Variants in KALRN observed in about 807,000 individuals in gnomAD.
KALRN encodes kalirin RhoGEF kinase, also known as kalirin.
KALRN carries 70 observed loss-of-function variants against 353.7 expected under a neutral mutation model. The observed-to-expected ratio is 0.20, with a 90% CI of 0.16 to 0.24. The LOEUF (loss-of-function observed/expected upper bound fraction) is 0.24, where lower values mean the gene tolerates loss of function less well. Ranked by LOEUF, KALRN falls within the 10% of genes least tolerant of loss-of-function variation. The probability of loss-of-function intolerance (pLI) is 1.00; values close to 1 mark genes in which losing one functional copy is unlikely to be tolerated. For synonymous variants in KALRN, 1,391 were observed against 1,434.8 expected (o/e 0.97, Z 0.69); for missense variants, 2,791 against 3,756.7 (o/e 0.74, Z 6.72).
chr3:124,678,113 C>G, intron 49 of KALRN, 77 bp from the exon 50 acceptor site: 1 of 1,531,796 alleles, frequency 6.5e-7, no homozygotes, highest in Non-Finnish European at 9.0e-7. Flanking sequence ...GCTGACTCAC[C>G]CAAGGGTGGT....
intron 33 of KALRN, among the ~76,000 whole-genome samples, chr3:124,552,237 A>G (rs1288334142): frequency 6.6e-6 from 1 of 152,182 alleles, no homozygotes; most frequent in Non-Finnish European, 1.5e-5. Context: ...TCTTCTGAAC[A>G]CGAATCTGTA....
intron 15 of KALRN, among the ~76,000 whole-genome samples, chr3:124,427,785 T>C (rs2093089991): frequency 6.6e-6 from 1 of 152,210 alleles, no homozygotes; most frequent in African/African-American, 2.4e-5. Context: ...GGGGCACTCT[T>C]TGAGTTTTGA....
intron 1 of KALRN, among the ~76,000 whole-genome samples, chr3:124,068,944 A>G (rs2042603502): frequency 6.6e-6 from 1 of 152,196 alleles, no homozygotes; most frequent in Non-Finnish European, 1.5e-5. Context: ...CAGTGCCTGC[A>G]TTGAGACTGA....
At chr3:124,543,815 CAG>C (rs1251807533) in intron 33 of KALRN, among the ~76,000 whole-genome samples, 6 of 151,774 alleles carry the variant, frequency 4.0e-5, no homozygotes, top group African/African-American at 1.5e-4. Context: ...AAGGGTAAAA[CAG>C]GGAGAGAACA....
intron 1 of KALRN, among the ~76,000 whole-genome samples, chr3:124,162,054 GC>G (rs1331891877): frequency 4.6e-5 from 7 of 152,158 alleles, no homozygotes; most frequent in Non-Finnish European, 1.0e-4. Context: ...TGCCCATGGT[GC>G]CAGATGATTT....
At chr3:124,257,192 A>T (rs1019059299) in intron 3 of KALRN, among the ~76,000 whole-genome samples, 2 of 152,232 alleles carry the variant, frequency 1.3e-5, no homozygotes, top group African/African-American at 4.8e-5. Context: ...GTTACCTACT[A>T]TTTATTAAAT....
intron 5 of KALRN, among the ~76,000 whole-genome samples, chr3:124,295,945 T>C (rs1430630274): frequency 2.0e-5 from 3 of 152,212 alleles, no homozygotes; most frequent in Non-Finnish European, 2.9e-5. Flanking sequence ...CCCAGGATAG[T>C]GCACACAGCA....
chr3:124,650,509 G>A (rs183645952), intron 37 of KALRN, among the ~76,000 whole-genome samples: 51 of 152,278 alleles, frequency 3.3e-4, no homozygotes, highest in African/African-American at 5.5e-4. Flanking sequence ...AATTGCGATC[G>A]TTAGCATTAC....
chr3:124,594,503 T>C (rs1464890780), intron 34 of KALRN, among the ~76,000 whole-genome samples: 1 of 152,182 alleles, frequency 6.6e-6, no homozygotes, highest in East Asian at 1.9e-4. Flanking sequence ...GGATTACAGG[T>C]GTGAGCCACC....
chr3:124,187,033 A>G (rs1374498563), intron 1 of KALRN, among the ~76,000 whole-genome samples: 1 of 152,154 alleles, frequency 6.6e-6, no homozygotes, highest in Non-Finnish European at 1.5e-5. Context: ...TCTTGCTGAA[A>G]GACACAGTAA....
intron 1 of KALRN, among the ~76,000 whole-genome samples, chr3:124,177,496 C>T (rs2072954609): frequency 6.6e-6 from 1 of 152,154 alleles, no homozygotes; most frequent in African/African-American, 2.4e-5. Context: ...CTGGAGTTCC[C>T]AGGGAACCCA....
At chr3:124,354,550 T>C (rs890555607) in intron 10 of KALRN, among the ~76,000 whole-genome samples, 32 of 152,176 alleles carry the variant, frequency 2.1e-4, no homozygotes, top group African/African-American at 2.4e-5. Context: ...AGGCTTTACA[T>C]AGGTGACATA....
At chr3:124,412,879 G>T (rs1164033623) in intron 13 of KALRN, among the ~76,000 whole-genome samples, 2 of 152,188 alleles carry the variant, frequency 1.3e-5, no homozygotes, top group African/African-American at 4.8e-5. Context: ...GGACCCTTGG[G>T]TTTGATGGAC....
intron 6 of KALRN, among the ~76,000 whole-genome samples, chr3:124,302,942 A>G (rs1244121996): frequency 6.6e-6 from 1 of 152,154 alleles, no homozygotes. Context: ...TAACTTAATT[A>G]CCTATTTAAA....
chr3:124,366,813 G>C (rs1233116949), intron 10 of KALRN, among the ~76,000 whole-genome samples: 2 of 150,432 alleles, frequency 1.3e-5, no homozygotes, highest in Non-Finnish European at 3.0e-5. Flanking sequence ...TCCCGGACGG[G>C]GTGGCTGGCT....
intron 6 of KALRN, among the ~76,000 whole-genome samples, chr3:124,305,478 T>C (rs1223328946): frequency 1.3e-5 from 2 of 152,144 alleles, no homozygotes; most frequent in Non-Finnish European, 2.9e-5. Context: ...TTGAAAACAA[T>C]AGAGCAATCA....
Position 124,069,066 on chromosome 3 carries a change from G to A in KALRN, c.73+35253G>A, listed in dbSNP as rs115757090. Among the ~76,000 whole-genome samples the A allele has an allele frequency of 6.2e-3, 949 of 152,200 alleles. 12 individuals carry two copies. The highest frequency in any genetic ancestry group is 0.022 in the African/African-American group (897 of 41,502). On this transcript the variant is annotated intron_variant, in intron 1 of 59. Coordinates refer to ENST00000682506, the MANE Select transcript of KALRN (RefSeq NM_001388419.1). ...TTAGTAACCATACCTAGTATTTATT[G>A]AATACCCTCCACACGTTTGGTATAA...
chr3:124,339,371 G>A (rs1054218712), intron 9 of KALRN, among the ~76,000 whole-genome samples: 10 of 152,262 alleles, frequency 6.6e-5, no homozygotes, highest in South Asian at 2.1e-4. Flanking sequence ...AGCACAGTCC[G>A]TACACCTGCT....
chr3:124,080,072 C>T (rs1424399865), intron 1 of KALRN: 1 of 471,192 alleles, frequency 2.1e-6, no homozygotes, highest in African/African-American at 2.0e-5. Context: ...GGATCCAACC[C>T]ATTGTTCCAG....
Sources: gnomAD v4.1 joint callset for allele counts (sites outside exome capture counted in the v4.1 genomes callset) on GRCh38, gnomAD v4.1.1 for gene constraint, MANE v1.5 for transcripts, NCBI Gene and HGNC (gene_info 2026-07-23, HGNC 2026-07-21) for gene names.